The following SHISA9 variants were observed in gnomAD, a reference collection of about 807,000 sequenced individuals.
SHISA9 encodes protein shisa-9.
A neutral mutation model predicts 38.0 loss-of-function variants in SHISA9; 13 were observed. The ratio of observed to expected loss-of-function variants is 0.34; its 90% CI spans 0.22 to 0.54. The LOEUF is 0.54. Among genes scored for constraint, SHISA9 ranks in the 20% least tolerant of loss-of-function variants. The pLI is 0.91. For synonymous variants in SHISA9, 275 were observed against 242.0 expected, an observed-to-expected ratio of 1.14 and a Z score of -1.27; for missense variants, 538 against 575.8, an observed-to-expected ratio of 0.93 and a Z score of 0.67.
the SHISA9 span, among the ~76,000 whole-genome samples, chr16:13,366,912 G>A: frequency 6.6e-6 from 1 of 150,486 alleles, no homozygotes; most frequent in Non-Finnish European, 1.5e-5. Context: ...GAACCCGGGA[G>A]GTGGAGGTTG....
At chr16:12,965,594 C>T (rs2071966911) in intron 2 of SHISA9, among the ~76,000 whole-genome samples, 1 of 152,146 alleles carries the variant, frequency 6.6e-6, no homozygotes, top group Admixed American at 6.5e-5. Context: ...GGCTAGCTTC[C>T]AACGTCACTT....
At chr16:13,147,069 C>T (rs1201209330) in intron 2 of SHISA9, among the ~76,000 whole-genome samples, 1 of 152,174 alleles carries the variant, frequency 6.6e-6, no homozygotes, top group African/African-American at 2.4e-5. Context: ...CTTATTCTTT[C>T]TGCAAATAAG....
At chr16:13,118,822 C>T (rs528495592) in intron 2 of SHISA9, among the ~76,000 whole-genome samples, 3 of 151,136 alleles carry the variant, frequency 2.0e-5, no homozygotes, top group South Asian at 2.1e-4. Context: ...CTCCACCTCA[C>T]GGGTTCAAGC....
At chr16:13,213,231 T>TC (rs1218792592) in intron 3 of SHISA9, 22 bp from the exon 4 acceptor site, 2 of 1,550,896 alleles carry the variant, frequency 1.3e-6, no homozygotes, top group Non-Finnish European at 1.7e-6. Context: ...TCATCAGCAT[T>TC]TCTTGATTGT....
chr16:13,144,528 C>G (rs529440810), intron 2 of SHISA9, among the ~76,000 whole-genome samples: 2 of 152,188 alleles, frequency 1.3e-5, no homozygotes, highest in East Asian at 3.9e-4. Flanking sequence ...CTTCTAGGTT[C>G]TGAGTTCTTT....
intron 2 of SHISA9, among the ~76,000 whole-genome samples, chr16:13,150,292 C>G (rs2050487679): frequency 6.6e-6 from 1 of 152,098 alleles, no homozygotes; most frequent in Non-Finnish European, 1.5e-5. Context: ...CAAACATCTA[C>G]TCACCTTTCA....
At chr16:13,379,468 T>C in the SHISA9 span, among the ~76,000 whole-genome samples, 1 of 152,318 alleles carries the variant, frequency 6.6e-6, no homozygotes, top group South Asian at 2.1e-4. Context: ...TCCCTCCTCC[T>C]GCTCCAGCCT....
intron 2 of SHISA9, among the ~76,000 whole-genome samples, chr16:12,993,150 A>G (rs1246153922): frequency 2.0e-5 from 3 of 152,214 alleles, no homozygotes; most frequent in Non-Finnish European, 2.9e-5. Context: ...AATGGGTAGC[A>G]TCGGCCTGTC....
chr16:13,216,101 C>T (rs1292041253), intron 4 of SHISA9, among the ~76,000 whole-genome samples: 3 of 150,230 alleles, frequency 2.0e-5, no homozygotes, highest in Admixed American at 6.7e-5. Context: ...GCAAGAGAAT[C>T]GCTTGAATCC....
the SHISA9 span, among the ~76,000 whole-genome samples, chr16:13,471,613 A>G: frequency 4.3e-4 from 66 of 152,292 alleles, 1 homozygote; most frequent in East Asian, 9.5e-3. Flanking sequence ...ACAGGAAGAA[A>G]GTAGATCAGA....
chr16:13,066,654 A>G (rs2073438554), intron 2 of SHISA9, among the ~76,000 whole-genome samples: 1 of 152,214 alleles, frequency 6.6e-6, no homozygotes, highest in East Asian at 1.9e-4. Flanking sequence ...CCTGCCTCAT[A>G]AGGGTGTTTT....
At chr16:13,208,489 T>C (rs1397532940) in intron 3 of SHISA9, among the ~76,000 whole-genome samples, 1 of 145,990 alleles carries the variant, frequency 6.8e-6, no homozygotes, top group East Asian at 2.0e-4. Context: ...TCACCCAGGC[T>C]GGAGTGCCAT....
chr16:12,945,613 C>T (rs746359992), intron 2 of SHISA9, among the ~76,000 whole-genome samples: 1 of 152,148 alleles, frequency 6.6e-6, no homozygotes, highest in Admixed American at 6.5e-5. Flanking sequence ...CAGACTCCAC[C>T]ACTTACTAGT....
At chr16:13,460,938 C>T in the SHISA9 span, among the ~76,000 whole-genome samples, 1 of 152,238 alleles carries the variant, frequency 6.6e-6, no homozygotes, top group Non-Finnish European at 1.5e-5. Flanking sequence ...GCACACCCAT[C>T]CTTGTCCTTC....
At chr16:13,379,446 C>T in the SHISA9 span, among the ~76,000 whole-genome samples, 1 of 152,120 alleles carries the variant, frequency 6.6e-6, no homozygotes, top group African/African-American at 2.4e-5. Context: ...ACTCCCAGGT[C>T]CCCCCGCCAC....
chr16:13,123,278 C>G (rs999721073), intron 2 of SHISA9, among the ~76,000 whole-genome samples: 1 of 152,172 alleles, frequency 6.6e-6, no homozygotes, highest in Non-Finnish European at 1.5e-5. Context: ...GCGGGGCAGG[C>G]AGGAAGAGAC....
chr16:13,272,679 C>G, the SHISA9 span, among the ~76,000 whole-genome samples: 1 of 152,132 alleles, frequency 6.6e-6, no homozygotes, highest in Non-Finnish European at 1.5e-5. Context: ...TATAGAACAG[C>G]TGATACCAGT....
At chr16:12,954,534 C>T (rs2071803126) in intron 2 of SHISA9, among the ~76,000 whole-genome samples, 1 of 152,168 alleles carries the variant, frequency 6.6e-6, no homozygotes, top group South Asian at 2.1e-4. Context: ...TGCCTCTTGA[C>T]ACCTTCCATG....
chr16:13,424,087 G>T, the SHISA9 span, among the ~76,000 whole-genome samples: 3 of 152,266 alleles, frequency 2.0e-5, no homozygotes, highest in South Asian at 6.2e-4. Flanking sequence ...CCCATTCACT[G>T]GCCCCACACA....
Sources: allele counts gnomAD v4.1 joint callset (sites outside exome capture counted in the v4.1 genomes callset), GRCh38; gene constraint gnomAD v4.1.1; transcripts MANE v1.5; gene names NCBI Gene and HGNC (gene_info 2026-07-23, HGNC 2026-07-21).